Variants in ATP10D observed in about 807,000 individuals in gnomAD.
ATP10D encodes the protein phospholipid-transporting ATPase VD.
ATP10D carries 89 observed loss-of-function variants against 144.8 expected under a neutral mutation model. The ratio of observed to expected loss-of-function variants is 0.61; its 90% CI spans 0.52 to 0.73. The LOEUF (loss-of-function observed/expected upper bound fraction) is 0.73, where lower values mean the gene tolerates loss of function less well. Among genes scored for constraint, ATP10D ranks in the 30% least tolerant of loss-of-function variants. ATP10D has a pLI of 0.00. For missense variants in ATP10D, 1,603 were observed against 1,714.8 expected (o/e 0.93, Z 1.15); for synonymous variants, 571 against 615.1 (o/e 0.93, Z 1.06).
chr4:47,546,897 C>A (rs1450510700), intron 10 of ATP10D, 35 bp downstream of exon 10: 2 of 1,551,974 alleles, frequency 1.3e-6, no homozygotes, highest in East Asian at 2.2e-5. Context: ...TCTTGCACAT[C>A]CACAATGTAT....
At chr4:47,584,776 A>C (rs1177959048) in intron 21 of ATP10D, among the ~76,000 whole-genome samples, 1 of 152,168 alleles carries the variant, frequency 6.6e-6, no homozygotes, top group Non-Finnish European at 1.5e-5. Context: ...AAAAAAAGGA[A>C]TTATTGTTTT....
intron 2 of ATP10D, among the ~76,000 whole-genome samples, chr4:47,514,124 G>A (rs1036346558): frequency 3.3e-5 from 5 of 152,182 alleles, no homozygotes; most frequent in East Asian, 3.8e-4. Context: ...TATTCAAGAC[G>A]CCAATGCAAG....
intron 15 of ATP10D, among the ~76,000 whole-genome samples, chr4:47,564,403 G>T (rs1301250949): frequency 2.6e-5 from 4 of 151,926 alleles, no homozygotes; most frequent in Non-Finnish European, 4.4e-5. Flanking sequence ...AGCCCAAAAT[G>T]AGAAAATATA....
At chr4:47,579,852 G>A (rs143377769) in intron 19 of ATP10D, among the ~76,000 whole-genome samples, 4 of 152,336 alleles carry the variant, frequency 2.6e-5, no homozygotes, top group African/African-American at 9.6e-5. Flanking sequence ...CATTTTTTAA[G>A]TCCATTTCCA....
intron 10 of ATP10D, among the ~76,000 whole-genome samples, chr4:47,554,057 G>A (rs545426840): frequency 1.3e-5 from 2 of 152,316 alleles, no homozygotes; most frequent in African/African-American, 4.8e-5. Context: ...ACTCTCACGT[G>A]TGAGAAGCAT....
chr4:47,525,498 C>A, intron 4 of ATP10D, 59 bp from the exon 5 acceptor site: 1 of 1,206,946 alleles, frequency 8.3e-7, no homozygotes, highest in Non-Finnish European at 1.2e-6. Flanking sequence ...TGATAAAACA[C>A]TTCAATATTA....
rs1720043348 is a variant in ATP10D, at chr4:47,572,972, T to G, written c.3341T>G (p.Ile1114Ser). The stretch of plus-strand genomic sequence containing the variant: ...TGTTATACACGGCTTTCCAACATGA[T>G]TCTCTATTTTTTCTATAAGAATGTG... The part of the protein sequence containing the change: ...HWCYTRLSNM[I>S]LYFFYKNVAY... The change falls in exon 18 of 23, where the codon ATT becomes AGT. Residue 1114 changes from isoleucine (I) to serine (S), a missense_variant. Ile to Ser is a moderately radical substitution (Grantham distance 142, BLOSUM62 -2). Coordinates refer to ENST00000273859, the MANE Select transcript of ATP10D (RefSeq NM_020453.4). 6.2e-7 allele frequency: 1 copy of G among 1,614,096 alleles called. No homozygotes were observed. Among genetic ancestry groups the G allele is most frequent in the Non-Finnish European group, 8.5e-7 (1 of 1,179,968 alleles).
At chr4:47,569,196 C>A in intron 16 of ATP10D, 50 bp downstream of exon 16, 1 of 1,561,642 alleles carries the variant, frequency 6.4e-7, no homozygotes, top group South Asian at 1.2e-5. Context: ...CACACCACAC[C>A]AGACACCGAT....
intron 18 of ATP10D, 50 bp downstream of exon 18, chr4:47,573,047 C>A: frequency 6.3e-7 from 1 of 1,595,006 alleles, no homozygotes; most frequent in Non-Finnish European, 8.6e-7. Flanking sequence ...CCTTCCAAGA[C>A]TGTTGCATCA....
chr4:47,577,300 G>C (rs1053752629), intron 19 of ATP10D, among the ~76,000 whole-genome samples: 1 of 152,180 alleles, frequency 6.6e-6, no homozygotes, highest in South Asian at 2.1e-4. Flanking sequence ...ATGAAAACAC[G>C]TTGAGACAGA....
intron 17 of ATP10D, 112 bp downstream of exon 17, chr4:47,572,342 G>C: frequency 1.1e-6 from 1 of 920,854 alleles, no homozygotes; most frequent in Non-Finnish European, 1.7e-6. Flanking sequence ...GGCTAGCTGA[G>C]GAGTGGGAGA....
At chr4:47,487,974 C>G (rs898118955) in intron 1 of ATP10D, among the ~76,000 whole-genome samples, 19 of 152,214 alleles carry the variant, frequency 1.2e-4, no homozygotes, top group African/African-American at 3.4e-4. Context: ...GCTCCCATCT[C>G]TACAAAAACA....
At chr4:47,524,288 A>G (rs886355919) in intron 4 of ATP10D, among the ~76,000 whole-genome samples, 1 of 152,050 alleles carries the variant, frequency 6.6e-6, no homozygotes, top group African/African-American at 2.4e-5. Flanking sequence ...CTTAGAAACC[A>G]AAAAAAGTGG....
chr4:47,544,458 C>G (rs1718312257), intron 9 of ATP10D, among the ~76,000 whole-genome samples: 1 of 152,216 alleles, frequency 6.6e-6, no homozygotes. Flanking sequence ...ATCAGAATCT[C>G]TGGGACACAA....
chr4:47,561,429 G>A (rs945461625), intron 14 of ATP10D, among the ~76,000 whole-genome samples: 5 of 152,174 alleles, frequency 3.3e-5, no homozygotes, highest in African/African-American at 9.7e-5. Flanking sequence ...TGCTTAATAC[G>A]TGTTATCTTT....
chr4:47,583,689 G>A (rs751555244), intron 21 of ATP10D, among the ~76,000 whole-genome samples: 1 of 152,132 alleles, frequency 6.6e-6, no homozygotes, highest in East Asian at 1.9e-4. Context: ...GTGTGCCAGA[G>A]GATTTAACAC....
At chr4:47,537,890 G>A (rs1163333402) in intron 9 of ATP10D, among the ~76,000 whole-genome samples, 1 of 152,076 alleles carries the variant, frequency 6.6e-6, no homozygotes, top group African/African-American at 2.4e-5. Flanking sequence ...CTGATTGCAT[G>A]TAATTTAGAT....
At chr4:47,495,837 A>C (rs1030174091) in intron 1 of ATP10D, among the ~76,000 whole-genome samples, 1 of 151,196 alleles carries the variant, frequency 6.6e-6, no homozygotes, top group African/African-American at 2.4e-5. Context: ...TCCCGTTTTC[A>C]AGCAATTCTT....
chr4:47,525,505 A>G, intron 4 of ATP10D, 52 bp from the exon 5 acceptor site: 1 of 1,277,122 alleles, frequency 7.8e-7, no homozygotes, highest in Non-Finnish European at 1.1e-6. Context: ...ACACTTCAAT[A>G]TTAAGGGTTT....
Sources: gnomAD v4.1 joint callset for allele counts (sites outside exome capture counted in the v4.1 genomes callset) on GRCh38, gnomAD v4.1.1 for gene constraint, MANE v1.5 for transcripts, NCBI Gene and HGNC (gene_info 2026-07-23, HGNC 2026-07-21) for gene names.